The following KDM4C variants were observed in gnomAD, a reference collection of about 807,000 sequenced individuals.
KDM4C encodes the protein lysine-specific demethylase 4C.
KDM4C carries 81 observed loss-of-function variants against 129.3 expected under a neutral mutation model. That is an observed-to-expected ratio of 0.63 (90% CI 0.52 to 0.75). The LOEUF (loss-of-function observed/expected upper bound fraction) is 0.75. Ranked by LOEUF, KDM4C falls within the 30% of genes least tolerant of loss-of-function variation. KDM4C has a pLI of 0.00. For missense variants in KDM4C, 1,457 were observed against 1,304.0 expected (o/e 1.12, Z -1.81); for synonymous variants, 573 against 456.1 (o/e 1.26, Z -3.26).
At position 6,803,233 on chromosome 9, in the gene KDM4C, T is replaced by G. The variant is rs1829336612; in HGVS notation, c.145-2366T>G. Among the ~76,000 whole-genome samples, 4 of 152,180 alleles carry G rather than the reference T, an allele frequency of 2.6e-5. No individual in the cohort carries two copies. The South Asian group carries it at 8.3e-4, about 31-fold the overall frequency. ...ATTCACAGAGCTGTGTGCTTGTGAT[T>G]ATGCATTTTCTACATGTGTGCTGTT... On this transcript the variant is annotated intron_variant, in intron 2 of 21. Transcript: ENST00000381309.
intron 1 of KDM4C, among the ~76,000 whole-genome samples, chr9:6,785,052 G>C (rs759920086): frequency 6.6e-6 from 1 of 152,196 alleles, no homozygotes; most frequent in Non-Finnish European, 1.5e-5. Context: ...CTTCATGCCT[G>C]TATTAGTTAC....
intron 18 of KDM4C, among the ~76,000 whole-genome samples, chr9:7,113,183 C>T (rs942772187): frequency 3.9e-5 from 6 of 152,098 alleles, no homozygotes; most frequent in East Asian, 1.9e-4. Flanking sequence ...TGAATCTGAT[C>T]GATATTCCTA....
At chr9:6,782,863 C>CT (rs935171758) in intron 1 of KDM4C, among the ~76,000 whole-genome samples, 32 of 152,142 alleles carry the variant, frequency 2.1e-4, no homozygotes, top group African/African-American at 7.2e-4. Flanking sequence ...TCAGCAAAGA[C>CT]TCTTGGGGTG....
At chr9:6,949,152 G>T (rs1177024870) in intron 8 of KDM4C, among the ~76,000 whole-genome samples, 1 of 147,364 alleles carries the variant, frequency 6.8e-6, no homozygotes, top group East Asian at 2.0e-4. Context: ...GGGCGGAGGG[G>T]CTCCTCACTT....
At chr9:6,743,069 A>G (rs72697597) in intron 1 of KDM4C, among the ~76,000 whole-genome samples, 23,552 of 152,144 alleles carry the variant, frequency 0.15, 2,348 homozygotes, top group African/African-American at 0.26. Flanking sequence ...ATCAGCAAAC[A>G]TAAGTGTGGC....
At chr9:6,767,512 G>A (rs1351185516) in intron 1 of KDM4C, among the ~76,000 whole-genome samples, 1 of 151,644 alleles carries the variant, frequency 6.6e-6, no homozygotes, top group Non-Finnish European at 1.5e-5. Flanking sequence ...TCGGCTCACT[G>A]CAACCTCTGC....
intron 17 of KDM4C, among the ~76,000 whole-genome samples, chr9:7,049,502 G>A (rs770246615): frequency 2.0e-5 from 3 of 152,036 alleles, no homozygotes; most frequent in Non-Finnish European, 4.4e-5. Flanking sequence ...CAGTACTGGA[G>A]CTGAGCCATC....
intron 5 of KDM4C, among the ~76,000 whole-genome samples, chr9:6,851,879 C>T (rs1361363336): frequency 6.6e-6 from 1 of 152,042 alleles, no homozygotes; most frequent in African/African-American, 2.4e-5. Flanking sequence ...TGCCCATTTT[C>T]AAAGTATTTC....
chr9:7,122,265 A>ACTCTCT (rs1554751922), intron 18 of KDM4C, among the ~76,000 whole-genome samples: 36 of 144,712 alleles, frequency 2.5e-4, no homozygotes, highest in African/African-American at 9.4e-4. Flanking sequence ...ACACACACAC[A>ACTCTCT]CTCTCTCTCT....
At chr9:7,012,015 C>T in intron 13 of KDM4C, 136 bp downstream of exon 13, 2 of 647,714 alleles carry the variant, frequency 3.1e-6, no homozygotes, top group Non-Finnish European at 5.3e-6. Context: ...TGATGGCTTT[C>T]ATAGAACCAC....
chr9:6,787,670 G>T (rs1237025978), intron 1 of KDM4C, among the ~76,000 whole-genome samples: 1 of 152,198 alleles, frequency 6.6e-6, no homozygotes, highest in African/African-American at 2.4e-5. Context: ...CCAAGCTGCC[G>T]TCTTAACTTG....
chr9:7,100,797 G>A (rs1361651354), intron 17 of KDM4C, among the ~76,000 whole-genome samples: 2 of 148,664 alleles, frequency 1.3e-5, no homozygotes, highest in African/African-American at 2.5e-5. Context: ...TTTTTATTGT[G>A]GATACTTGGT....
At chr9:6,980,236 C>G (rs762703873) in intron 8 of KDM4C, among the ~76,000 whole-genome samples, 2 of 152,106 alleles carry the variant, frequency 1.3e-5, no homozygotes, top group African/African-American at 2.4e-5. Context: ...AGAAAACTTG[C>G]TTAATAAGAT....
intron 8 of KDM4C, among the ~76,000 whole-genome samples, chr9:6,935,059 A>G (rs1486959447): frequency 6.6e-6 from 1 of 152,148 alleles, no homozygotes; most frequent in Non-Finnish European, 1.5e-5. Context: ...AAAATTTTCC[A>G]GAAATTTATT....
intron 5 of KDM4C, among the ~76,000 whole-genome samples, chr9:6,873,228 C>T (rs1363876807): frequency 6.6e-6 from 1 of 152,168 alleles, no homozygotes; most frequent in Non-Finnish European, 1.5e-5. Context: ...AACTCCTGAC[C>T]TCAGGTGATC....
In KDM4C at chr9:7,156,785, G is replaced by A. The variant is rs550484719; in HGVS notation, c.2782-8453G>A. Among the ~76,000 whole-genome samples the A allele has an allele frequency of 1.6e-4, 25 of 152,240 alleles. No individual in the cohort carries two copies. The East Asian group carries it at 1.7e-3, about 11-fold the overall frequency. Reference sequence around the variant, plus strand: ...GTAGTATAGTTTGAAGTCAGATAGCGTGATGTCTCCAGCTTTGTTCTTTTG... The same window carrying A: ...GTAGTATAGTTTGAAGTCAGATAGCATGATGTCTCCAGCTTTGTTCTTTTG... On this transcript the variant is annotated intron_variant, in intron 19 of 21. Transcript: ENST00000381309.
chr9:7,096,117 A>C (rs1302695877), intron 17 of KDM4C, among the ~76,000 whole-genome samples: 1 of 152,202 alleles, frequency 6.6e-6, no homozygotes, highest in Non-Finnish European at 1.5e-5. Flanking sequence ...TTTGCCCTTT[A>C]AATTTGAAAT....
intron 12 of KDM4C, among the ~76,000 whole-genome samples, chr9:7,007,895 A>C (rs563967825): frequency 1.2e-3 from 190 of 152,362 alleles, no homozygotes; most frequent in Non-Finnish European, 2.1e-3. Context: ...CCCATAAAAA[A>C]TAATTAGAAA....
At chr9:6,825,923 A>C (rs1298278653) in intron 4 of KDM4C, among the ~76,000 whole-genome samples, 1 of 151,950 alleles carries the variant, frequency 6.6e-6, no homozygotes, top group Non-Finnish European at 1.5e-5. Flanking sequence ...TGATCCTTCC[A>C]CCTCAGCCTA....
Sources: allele counts gnomAD v4.1 joint callset (sites outside exome capture counted in the v4.1 genomes callset), GRCh38; gene constraint gnomAD v4.1.1; transcripts MANE v1.5; gene names NCBI Gene and HGNC (gene_info 2026-07-23, HGNC 2026-07-21).